Variants in SLC47A1 observed in about 807,000 individuals in gnomAD.
The protein encoded by SLC47A1 is solute carrier family 47 member 1, also known as multidrug and toxin extrusion protein 1.
A neutral mutation model predicts 65.8 loss-of-function variants in SLC47A1; 58 were observed. That is an observed-to-expected ratio of 0.88 (90% CI 0.71 to 1.10). SLC47A1 has a LOEUF of 1.10. Among genes scored for constraint, SLC47A1 ranks in the 50% least tolerant of loss-of-function variants. The pLI is 0.00. For synonymous variants in SLC47A1, 285 were observed against 295.0 expected (o/e 0.97, Z 0.35); for missense variants, 706 against 719.2 (o/e 0.98, Z 0.21).
At chr17:19,561,878 C>T (rs8065082) in intron 12 of SLC47A1, among the ~76,000 whole-genome samples, 65,579 of 151,986 alleles carry the variant, frequency 0.43, 14,536 homozygotes, top group Middle Eastern at 0.6. Context: ...TTCTTAGTAT[C>T]GGCCAAAGTG....
intron 14 of SLC47A1, among the ~76,000 whole-genome samples, chr17:19,569,553 G>A (rs1024805095): frequency 6.6e-6 from 1 of 152,132 alleles, no homozygotes. Context: ...TCCTGGTATG[G>A]TATGCAGTAT....
chr17:19,547,978 A>T lies in SLC47A1; in HGVS notation c.307-7A>T. ...TAATGGGCTCATTTTGGCTGTGTGC[A>T]CCCCAGACGTACGGGAGCCAGAACC... On this transcript the variant is annotated splice_region_variant and splice_polypyrimidine_tract_variant and intron_variant, in intron 3 of 16. Coordinates refer to ENST00000270570, the MANE Select transcript of SLC47A1 (RefSeq NM_018242.3). The T allele has an allele frequency of 1.2e-6, 2 of 1,608,554 alleles. No individual in the cohort carries two copies. The highest frequency in any genetic ancestry group is 1.7e-6 in the Non-Finnish European group (2 of 1,176,260).
At chr17:19,556,480 G>C (rs947264918) in intron 10 of SLC47A1, among the ~76,000 whole-genome samples, 2 of 151,996 alleles carry the variant, frequency 1.3e-5, no homozygotes, top group African/African-American at 4.8e-5. Flanking sequence ...GCTCCTGCCT[G>C]GTTCTGAAGC....
intron 10 of SLC47A1, among the ~76,000 whole-genome samples, chr17:19,556,470 G>A (rs973591796): frequency 1.3e-5 from 2 of 152,030 alleles, no homozygotes; most frequent in African/African-American, 4.8e-5. Flanking sequence ...CACTATGCCC[G>A]CTCCTGCCTG....
intron 1 of SLC47A1, 59 bp downstream of exon 1, chr17:19,534,133 C>T: frequency 6.9e-7 from 1 of 1,446,936 alleles, no homozygotes; most frequent in Non-Finnish European, 9.1e-7. Flanking sequence ...CTGGTGATTT[C>T]TGCCTCCGCG....
At chr17:19,553,747 G>A (rs925710366) in intron 6 of SLC47A1, among the ~76,000 whole-genome samples, 1 of 152,028 alleles carries the variant, frequency 6.6e-6, no homozygotes, top group Admixed American at 6.6e-5. Flanking sequence ...TTACCATGTT[G>A]GCCAGGCTAG....
At chr17:19,548,947 C>T (rs1446159343) in intron 4 of SLC47A1, among the ~76,000 whole-genome samples, 1 of 152,046 alleles carries the variant, frequency 6.6e-6, no homozygotes, top group Non-Finnish European at 1.5e-5. Flanking sequence ...ACCCAGGAGA[C>T]GTTTGACAAT....
Position 19,533,968 on chromosome 17 carries a change from T to A in SLC47A1, c.29T>A (p.Val10Glu). 6.5e-7 allele frequency: 1 copy of A among 1,536,498 alleles called. No homozygotes were observed. The highest frequency in any genetic ancestry group is 8.7e-7 in the Non-Finnish European group (1 of 1,144,496). Reference protein sequence around the residue: MEAPEEPAPVRGGPEATLEV... With the variant: MEAPEEPAPERGGPEATLEV... The stretch of plus-strand genomic sequence containing the variant: ...GAAGCTCCTGAGGAGCCCGCGCCAG[T>A]GCGCGGAGGCCCGGAGGCCACCCTT... The change falls in exon 1 of 17, where the codon GTG becomes GAG. Residue 10 changes from valine (V) to glutamate (E), a missense_variant. Val to Glu is a moderately radical substitution (Grantham distance 121). Coordinates refer to ENST00000270570, the MANE Select transcript of SLC47A1 (RefSeq NM_018242.3).
chr17:19,551,484 C>T lies in SLC47A1; in HGVS notation c.543+16C>T, dbSNP rs1251057795. ...GCTCAACCAGGTAATACTGACTGTT[C>T]TCTTCCTTTGGGAGGCTAATGGGAG... On this transcript the variant is annotated intron_variant, in intron 6 of 16. Coordinates refer to ENST00000270570, the MANE Select transcript of SLC47A1 (RefSeq NM_018242.3). 2 of 1,607,378 alleles carry T rather than the reference C, an allele frequency of 1.2e-6. No individual in the cohort carries two copies. The highest frequency in any genetic ancestry group is 1.7e-5 in the Admixed American group (1 of 59,990).
At chr17:19,566,880 C>T (rs2084362199) in intron 13 of SLC47A1, 21 bp downstream of exon 13, 2 of 1,612,948 alleles carry the variant, frequency 1.2e-6, no homozygotes, top group African/African-American at 1.3e-5. Context: ...TGTAGTAGTC[C>T]CCTAAGCACT....
intron 1 of SLC47A1, chr17:19,534,456 G>A: frequency 5.3e-6 from 1 of 189,556 alleles, no homozygotes; most frequent in Non-Finnish European, 1.1e-5. Context: ...CCTTCTCTGG[G>A]AGCTGATTCC....
intron 1 of SLC47A1, among the ~76,000 whole-genome samples, chr17:19,539,697 A>ACT (rs1916087424): frequency 2.0e-5 from 3 of 151,978 alleles, no homozygotes; most frequent in Non-Finnish European, 4.4e-5. Flanking sequence ...TGTTGGCCAG[A>ACT]CTGGTCTCGA....
At chr17:19,547,878 T>C in intron 3 of SLC47A1, 107 bp from the exon 4 acceptor site, 1 of 1,329,222 alleles carries the variant, frequency 7.5e-7, no homozygotes, top group East Asian at 2.4e-5. Flanking sequence ...GTGAGCCACC[T>C]TATCCAGCCA....
chr17:19,576,598 C>G (rs2084441898), intron 16 of SLC47A1, among the ~76,000 whole-genome samples: 1 of 152,044 alleles, frequency 6.6e-6, no homozygotes, highest in African/African-American at 2.4e-5. Flanking sequence ...TCTCCCACCT[C>G]AGCATCCCAA....
chr17:19,537,804 C>T lies in SLC47A1; in HGVS notation c.135+3730C>T, dbSNP rs1271291210. On this transcript the variant is annotated intron_variant, in intron 1 of 16. Transcript: ENST00000270570. ...TGGCCAGGCCTCCAGCCTCATCTCT[C>T]GTCCCTATCTCCTGGTTACACCCTC... 3.3e-5 allele frequency among the ~76,000 whole-genome samples: 5 copies of T among 152,152 alleles called. No individual in the cohort carries two copies. The East Asian group carries it at 5.8e-4, about 18-fold the overall frequency.
At position 19,555,993 on chromosome 17, in the gene SLC47A1, A is replaced by G. The variant is rs1367079999; in HGVS notation, c.854-2A>G. 1.9e-6 allele frequency: 3 copies of G among 1,614,054 alleles called. No homozygotes were observed. The highest frequency in any genetic ancestry group is 2.5e-6 in the Non-Finnish European group (3 of 1,180,030). On this transcript the variant is annotated splice_acceptor_variant, in intron 9 of 16. Transcript: ENST00000270570. LOFTEE classifies it high-confidence loss of function. The stretch of plus-strand genomic sequence containing the variant: ...AAGGCGACAGCTGTCTTTCTTCACC[A>G]GGCATCCTCGGCATGGTGGAGCTGG...
intron 12 of SLC47A1, among the ~76,000 whole-genome samples, chr17:19,564,091 G>A (rs1274330864): frequency 6.6e-6 from 1 of 152,180 alleles, no homozygotes; most frequent in African/African-American, 2.4e-5. Flanking sequence ...GGTGGCTCAT[G>A]CCTGTAATCC....
At position 19,536,253 on chromosome 17, in the gene SLC47A1, CAAT is replaced by C. The variant is rs5819675; in HGVS notation, c.135+2206_135+2208del. 2.0e-3 allele frequency among the ~76,000 whole-genome samples: 288 copies of C among 145,546 alleles called. 1 individual carries two copies. The highest frequency in any genetic ancestry group is 3.2e-3 in the Admixed American group (46 of 14,404). On this transcript the variant is annotated intron_variant, in intron 1 of 16. Coordinates refer to ENST00000270570, the MANE Select transcript of SLC47A1 (RefSeq NM_018242.3). Reference sequence around the variant, plus strand: ...GCCTGTTATTGCTTTAATAGTATAGCAATAATAATAATAATAATAATAATAATA... The same window carrying C: ...GCCTGTTATTGCTTTAATAGTATAGCAATAATAATAATAATAATAATAATA...
chr17:19,546,697 C>G (rs1228754966), intron 3 of SLC47A1, among the ~76,000 whole-genome samples, 194 bp downstream of exon 3: 2 of 152,174 alleles, frequency 1.3e-5, no homozygotes, highest in Non-Finnish European at 2.9e-5. Flanking sequence ...TAGTTTTTGT[C>G]TGCACAACTG....
Sources: gnomAD v4.1 joint callset for allele counts (sites outside exome capture counted in the v4.1 genomes callset) on GRCh38, gnomAD v4.1.1 for gene constraint, MANE v1.5 for transcripts, NCBI Gene and HGNC (gene_info 2026-07-23, HGNC 2026-07-21) for gene names.